NRG3: variants seen among roughly 807,000 people sequenced by gnomAD.
NRG3 encodes pro-neuregulin-3, membrane-bound isoform.
NRG3 carries 31 observed loss-of-function variants against 66.9 expected under a neutral mutation model. The ratio of observed to expected loss-of-function variants is 0.46; its 90% CI spans 0.35 to 0.63. The LOEUF is 0.63. Among genes scored for constraint, NRG3 ranks in the 20% least tolerant of loss-of-function variants. NRG3 has a pLI of 0.00. For synonymous variants in NRG3, 393 were observed against 359.4 expected, an observed-to-expected ratio of 1.09 and a Z score of -1.06; for missense variants, 910 against 878.9, an observed-to-expected ratio of 1.04 and a Z score of -0.45.
intron 1 of NRG3, among the ~76,000 whole-genome samples, chr10:82,094,652 A>G (rs1409999697): frequency 1.3e-5 from 2 of 152,236 alleles, no homozygotes; most frequent in African/African-American, 4.8e-5. Flanking sequence ...GTCACATTTC[A>G]TGGCGAGATA....
chr10:82,120,595 C>A (rs778421059), intron 1 of NRG3, among the ~76,000 whole-genome samples: 5 of 152,010 alleles, frequency 3.3e-5, no homozygotes, highest in Non-Finnish European at 5.9e-5. Flanking sequence ...TGCCTGTATA[C>A]ATTTATTTTT....
intron 4 of NRG3, among the ~76,000 whole-genome samples, chr10:82,872,415 C>T (rs1841422265): frequency 6.6e-6 from 1 of 151,984 alleles, no homozygotes; most frequent in Non-Finnish European, 1.5e-5. Context: ...ACGTCTTCTT[C>T]CCAAATCTTT....
intron 1 of NRG3, among the ~76,000 whole-genome samples, chr10:81,927,536 A>T (rs2132945677): frequency 6.6e-6 from 1 of 152,346 alleles, no homozygotes; most frequent in South Asian, 2.1e-4. Flanking sequence ...GAACATTAAA[A>T]ATCTACCCAA....
At chr10:82,183,075 A>G (rs1483480844) in intron 1 of NRG3, among the ~76,000 whole-genome samples, 2 of 151,914 alleles carry the variant, frequency 1.3e-5, no homozygotes, top group Non-Finnish European at 2.9e-5. Flanking sequence ...TGACAGTTAG[A>G]TTATATGTGT....
chr10:82,739,526 C>T (rs1469939519), intron 3 of NRG3, among the ~76,000 whole-genome samples: 1 of 152,152 alleles, frequency 6.6e-6, no homozygotes, highest in Non-Finnish European at 1.5e-5. Flanking sequence ...CAGAGGTCGC[C>T]CTGCCTGTGT....
chr10:82,195,294 G>A (rs1423123272), intron 1 of NRG3, among the ~76,000 whole-genome samples: 1 of 152,158 alleles, frequency 6.6e-6, no homozygotes. Flanking sequence ...GTGCAGTTGA[G>A]TCCAGCTTTG....
chr10:82,069,213 G>T (rs2064662652), intron 1 of NRG3, among the ~76,000 whole-genome samples: 1 of 152,184 alleles, frequency 6.6e-6, no homozygotes, highest in African/African-American at 2.4e-5. Context: ...GGGTCAGGTT[G>T]CATTGGAGTT....
intron 2 of NRG3, among the ~76,000 whole-genome samples, chr10:82,696,187 G>T (rs2055365597): frequency 6.6e-6 from 1 of 152,116 alleles, no homozygotes; most frequent in South Asian, 2.1e-4. Flanking sequence ...TTTAAACAGA[G>T]ATAGGACTCC....
At chr10:82,943,371 G>A (rs1351202639) in intron 4 of NRG3, among the ~76,000 whole-genome samples, 1 of 152,166 alleles carries the variant, frequency 6.6e-6, no homozygotes, top group African/African-American at 2.4e-5. Context: ...CTCAGGGTAA[G>A]GGGTGATCTT....
At chr10:82,408,136 A>AAAGAAAG (rs2087758910) in intron 2 of NRG3, among the ~76,000 whole-genome samples, 1 of 145,618 alleles carries the variant, frequency 6.9e-6, no homozygotes, top group South Asian at 2.1e-4. Flanking sequence ...AGAAAGAAAG[A>AAAGAAAG]AAGAAAGAAA....
At chr10:82,492,892 G>A (rs1212288747) in intron 2 of NRG3, among the ~76,000 whole-genome samples, 1 of 152,164 alleles carries the variant, frequency 6.6e-6, no homozygotes, top group Non-Finnish European at 1.5e-5. Flanking sequence ...TTGGCCCAGG[G>A]TCCATGTAAA....
At chr10:82,741,152 C>T (rs967643326) in intron 3 of NRG3, among the ~76,000 whole-genome samples, 1 of 152,108 alleles carries the variant, frequency 6.6e-6, no homozygotes. Flanking sequence ...GTCTTGCATT[C>T]ATCCATGCAC....
At chr10:81,880,079 C>G (rs1236903093) in intron 1 of NRG3, among the ~76,000 whole-genome samples, 1 of 151,992 alleles carries the variant, frequency 6.6e-6, no homozygotes, top group Non-Finnish European at 1.5e-5. Flanking sequence ...TTCCTTTGGC[C>G]TTAATTCAGG....
chr10:82,551,298 A>AT (rs1384721736), intron 2 of NRG3, among the ~76,000 whole-genome samples: 1 of 152,110 alleles, frequency 6.6e-6, no homozygotes, highest in Non-Finnish European at 1.5e-5. Context: ...TTCAAGTACT[A>AT]TTTTTAACAT....
intron 1 of NRG3, among the ~76,000 whole-genome samples, chr10:82,208,810 G>T (rs2075258862): frequency 6.6e-6 from 1 of 151,982 alleles, no homozygotes; most frequent in South Asian, 2.1e-4. Context: ...TGCTACCATG[G>T]CTCATTAGCA....
At chr10:81,939,732 G>A (rs139186387) in intron 1 of NRG3, among the ~76,000 whole-genome samples, 11 of 141,602 alleles carry the variant, frequency 7.8e-5, no homozygotes, top group African/African-American at 2.9e-4. Flanking sequence ...TCTTACTCTT[G>A]TTGATTTTTT....
intron 1 of NRG3, among the ~76,000 whole-genome samples, chr10:82,190,443 T>C (rs1418424932): frequency 2.0e-5 from 3 of 152,224 alleles, no homozygotes; most frequent in Non-Finnish European, 4.4e-5. Flanking sequence ...TTTTAACATA[T>C]GCAAAGTTGA....
chr10:82,914,077 C>A (rs1300055598), intron 4 of NRG3, among the ~76,000 whole-genome samples: 2 of 151,970 alleles, frequency 1.3e-5, no homozygotes, highest in African/African-American at 2.4e-5. Context: ...AATGTTAAAT[C>A]CACTGATGAT....
At chr10:82,294,227 A>AT (rs2079915863) in intron 1 of NRG3, among the ~76,000 whole-genome samples, 1 of 152,200 alleles carries the variant, frequency 6.6e-6, no homozygotes, top group Non-Finnish European at 1.5e-5. Flanking sequence ...CTCAGTTCAT[A>AT]TCACAAATCC....
Sources: gnomAD v4.1 joint callset for allele counts (sites outside exome capture counted in the v4.1 genomes callset) on GRCh38, gnomAD v4.1.1 for gene constraint, MANE v1.5 for transcripts, NCBI Gene and HGNC (gene_info 2026-07-23, HGNC 2026-07-21) for gene names.